Variants in HMCN1 observed in about 807,000 individuals in gnomAD.
HMCN1 encodes hemicentin 1, also known as hemicentin-1.
A neutral mutation model predicts 625.9 loss-of-function variants in HMCN1; 321 were observed. That is an observed-to-expected ratio of 0.51 (90% CI 0.47 to 0.56). The LOEUF is 0.56. Among genes scored for constraint, HMCN1 ranks in the 20% least tolerant of loss-of-function variants. The pLI is 0.00. For missense variants in HMCN1, 6,588 were observed against 6,887.3 expected (o/e 0.96, Z 1.54); for synonymous variants, 2,425 against 2,417.6 (o/e 1.00, Z -0.09).
rs904782728 is a variant in HMCN1, at chr1:185,980,831, G to A, written c.2567-147G>A. The A allele has an allele frequency of 1.3e-5, 9 of 719,932 alleles. No homozygotes were observed. The African/African-American group carries it at 1.4e-4, about 11-fold the overall frequency. The allele number at this position is 719,932 out of a possible 1,614,324, so 44.6% of individuals were successfully genotyped here. A position where few individuals can be genotyped will look rare whatever the true frequency, so the allele number is the denominator to read the frequency against. On this transcript the variant is annotated intron_variant, in intron 16 of 106. Coordinates refer to ENST00000271588, the MANE Select transcript of HMCN1 (RefSeq NM_031935.3). ...ACTCTTTGTTAGCACTTATTTCACT[G>A]TGGTGTGATGGCTGGTTTCTGTGTA...
chr1:186,003,770 C>T lies in HMCN1; in HGVS notation c.4401C>T (p.Leu1467=), dbSNP rs772560618. Residue 1467 remains leucine, a synonymous_variant, in exon 29 of 107, where the codon CTC becomes CTT. Coordinates refer to ENST00000271588, the MANE Select transcript of HMCN1 (RefSeq NM_031935.3). The part of the protein sequence containing the change: ...TNFPNEVSVV[L]NRDVALECQV... Reference sequence around the variant, plus strand: ...TCCCAAATGAAGTCTCAGTTGTCCTCAACCGTGACGTCGCCCTTGAATGCC... The same window carrying T: ...TCCCAAATGAAGTCTCAGTTGTCCTTAACCGTGACGTCGCCCTTGAATGCC... 1.4e-5 allele frequency: 22 copies of T among 1,613,030 alleles called. No individual in the cohort carries two copies. In the Admixed American group the frequency reaches 3.5e-4, roughly 26 times the overall value.
chr1:185,842,396 C>CA (rs1661529261), intron 1 of HMCN1, among the ~76,000 whole-genome samples: 2 of 150,944 alleles, frequency 1.3e-5, no homozygotes, highest in African/African-American at 4.9e-5. Context: ...ACCCTGTCTC[C>CA]AAAAAATATG....
intron 41 of HMCN1, among the ~76,000 whole-genome samples, chr1:186,046,248 C>A (rs1429381246): frequency 6.6e-6 from 1 of 152,080 alleles, no homozygotes; most frequent in Non-Finnish European, 1.5e-5. Flanking sequence ...GTGGGCGGAC[C>A]ACTTGAGGTC....
intron 57 of HMCN1, among the ~76,000 whole-genome samples, chr1:186,084,135 T>C (rs535900915): frequency 2.9e-4 from 44 of 152,280 alleles, no homozygotes; most frequent in African/African-American, 1.0e-3. Flanking sequence ...TTGCCTTGTG[T>C]TATCTTCATA....
chr1:185,868,472 G>A (rs925889770), intron 4 of HMCN1, among the ~76,000 whole-genome samples: 1 of 152,088 alleles, frequency 6.6e-6, no homozygotes, highest in African/African-American at 2.4e-5. Context: ...TCTCATGATA[G>A]TGAGTGAGCT....
At chr1:185,801,138 T>G (rs1182273856) in intron 1 of HMCN1, among the ~76,000 whole-genome samples, 1 of 152,230 alleles carries the variant, frequency 6.6e-6, no homozygotes, top group Non-Finnish European at 1.5e-5. Context: ...AAAAACAAAT[T>G]ACTTCCTGAA....
intron 100 of HMCN1, among the ~76,000 whole-genome samples, chr1:186,169,832 G>T (rs541035641): frequency 6.6e-6 from 1 of 152,060 alleles, no homozygotes; most frequent in Non-Finnish European, 1.5e-5. Context: ...TTGACAATGC[G>T]ATCTAATTAA....
At position 186,078,159 on chromosome 1, in the gene HMCN1, C is replaced by G. The variant is rs777766687; in HGVS notation, c.8538C>G (p.Tyr2846Ter). 6.2e-7 allele frequency: 1 copy of G among 1,613,782 alleles called. No individual in the cohort carries two copies. The highest frequency in any genetic ancestry group is 8.5e-7 in the Non-Finnish European group (1 of 1,179,860). The part of the protein sequence containing the change: ...PRAKVEDAGR[Y>*]TCVAVNEAGE... ...CTAAAGTAGAAGATGCTGGGAGATA[C>G]ACATGTGTGGCTGTGAATGAGGCTG... Residue 2846 changes from tyrosine (Y) to a stop codon, truncating the protein, a stop_gained, in exon 55 of 107, where the codon TAC becomes TAG. Coordinates refer to ENST00000271588, the MANE Select transcript of HMCN1 (RefSeq NM_031935.3). LOFTEE classifies it high-confidence loss of function.
Position 186,115,404 on chromosome 1 carries a change from A to T in HMCN1, c.11551A>T (p.Asn3851Tyr). Residue 3851 changes from asparagine to tyrosine, a missense_variant, in exon 75 of 107, where the codon AAC becomes TAC. Asn to Tyr is a moderately radical substitution (Grantham distance 143). Around this residue, in one of 3 missense-constraint regions of HMCN1, gnomAD observed 4,628 missense variants for 4,853.1 expected, o/e 0.95. Transcript: ENST00000271588. Reference sequence around the variant, plus strand: ...TCTTCTTAATGTGGATCAAAATCAGAACTCATACAGGTAAGGATAATTTAA... The same window carrying T: ...TCTTCTTAATGTGGATCAAAATCAGTACTCATACAGGTAAGGATAATTTAA... ...GHLLNVDQNQ[N>Y]SYRLLSSGSL... 1 of 1,613,330 alleles carries T rather than the reference A, an allele frequency of 6.2e-7. No homozygotes were observed. Among genetic ancestry groups the T allele is most frequent in the South Asian group, 1.1e-5 (1 of 91,070 alleles).
chr1:186,065,562 A>G (rs1212090066), intron 49 of HMCN1, 133 bp downstream of exon 49: 4 of 591,186 alleles, frequency 6.8e-6, no homozygotes, highest in Non-Finnish European at 8.5e-6. Flanking sequence ...GCTTGTGTAC[A>G]TTTACTATTT....
chr1:186,037,156 G>GTT (rs144782511), intron 36 of HMCN1, among the ~76,000 whole-genome samples: 1 of 147,180 alleles, frequency 6.8e-6, no homozygotes, highest in African/African-American at 2.5e-5. Flanking sequence ...CTTAAAATGT[G>GTT]TTTTTTTTTT....
chr1:185,887,293 AATTTATTT>A (rs564098888), intron 4 of HMCN1, among the ~76,000 whole-genome samples: 2 of 151,810 alleles, frequency 1.3e-5, no homozygotes, highest in Non-Finnish European at 2.9e-5. Flanking sequence ...TCTTAAATGA[AATTTATTT>A]ATTTATTTAT....
intron 105 of HMCN1, among the ~76,000 whole-genome samples, chr1:186,187,418 T>C (rs559757048): frequency 1.3e-5 from 2 of 152,294 alleles, no homozygotes; most frequent in Non-Finnish European, 2.9e-5. Context: ...GACCCTATTT[T>C]CCACTCAACA....
chr1:186,161,169 A>G (rs1410979212), intron 97 of HMCN1, among the ~76,000 whole-genome samples: 39 of 150,270 alleles, frequency 2.6e-4, no homozygotes, highest in African/African-American at 9.5e-4. Flanking sequence ...CTTTACCATT[A>G]TGTAATGGCC....
intron 37 of HMCN1, 30 bp downstream of exon 37, chr1:186,038,065 A>G (rs747682554): frequency 1.5e-5 from 20 of 1,361,716 alleles, no homozygotes; most frequent in Non-Finnish European, 2.0e-5. Context: ...CTGTAACTTA[A>G]TATTTTAAGA....
At chr1:185,948,753 GA>G (rs1668479293) in intron 11 of HMCN1, among the ~76,000 whole-genome samples, 1 of 151,172 alleles carries the variant, frequency 6.6e-6, no homozygotes, top group Non-Finnish European at 1.5e-5. Flanking sequence ...ATATTAATAA[GA>G]AAAATAAAAC....
intron 1 of HMCN1, among the ~76,000 whole-genome samples, chr1:185,792,084 G>T (rs1658044235): frequency 6.6e-6 from 1 of 152,160 alleles, no homozygotes; most frequent in African/African-American, 2.4e-5. Context: ...AAAGGAAAAA[G>T]ACATGAATAA....
intron 11 of HMCN1, among the ~76,000 whole-genome samples, chr1:185,960,444 C>T (rs1317363745): frequency 1.3e-5 from 2 of 152,058 alleles, no homozygotes; most frequent in African/African-American, 2.4e-5. Context: ...CAGGAATATT[C>T]TAAGGCAATG....
At chr1:186,025,288 C>A (rs1469638491) in intron 36 of HMCN1, among the ~76,000 whole-genome samples, 1 of 152,148 alleles carries the variant, frequency 6.6e-6, no homozygotes. Context: ...TGGTATCAGT[C>A]TGTGGCCCAG....
Sources: gnomAD v4.1 joint callset for allele counts (sites outside exome capture counted in the v4.1 genomes callset) on GRCh38, gnomAD v4.1.1 for gene constraint, gnomAD v4.1.1 regional missense constraint, MANE v1.5 for transcripts, NCBI Gene and HGNC (gene_info 2026-07-23, HGNC 2026-07-21) for gene names.